Variants in CPQ observed in about 807,000 individuals in gnomAD.
CPQ encodes carboxypeptidase Q, also known as Ser-Met dipeptidase.
Under a neutral mutation model 45.7 loss-of-function variants are expected in CPQ, and 37 were observed. The ratio of observed to expected loss-of-function variants is 0.81; its 90% CI spans 0.62 to 1.07. The LOEUF (loss-of-function observed/expected upper bound fraction) is 1.07, where lower values mean the gene tolerates loss of function less well. Among genes scored for constraint, CPQ ranks in the 50% least tolerant of loss-of-function variants. CPQ has a pLI of 0.00. For synonymous variants in CPQ, 186 were observed against 205.8 expected, an observed-to-expected ratio of 0.90 and a Z score of 0.82; for missense variants, 537 against 572.9, an observed-to-expected ratio of 0.94 and a Z score of 0.64.
intron 5 of CPQ, 90 bp downstream of exon 5, chr8:96,966,136 A>G (rs917594248): frequency 2.3e-6 from 2 of 888,022 alleles, no homozygotes; most frequent in East Asian, 2.7e-5. Context: ...ATTAGTTACT[A>G]TGGTATGTTC....
intron 4 of CPQ, among the ~76,000 whole-genome samples, chr8:96,916,842 C>A (rs377530097): frequency 6.6e-6 from 1 of 151,896 alleles, no homozygotes. Flanking sequence ...ACCATGCTTC[C>A]GATTGAGATT....
At chr8:96,958,815 C>T (rs1207674428) in intron 4 of CPQ, among the ~76,000 whole-genome samples, 1 of 151,398 alleles carries the variant, frequency 6.6e-6, no homozygotes, top group African/African-American at 2.4e-5. Context: ...CAGCTCTTTT[C>T]AGGACCAGCT....
At chr8:96,738,852 GTCTA>G (rs1158008409) in intron 1 of CPQ, among the ~76,000 whole-genome samples, 1 of 151,940 alleles carries the variant, frequency 6.6e-6, no homozygotes, top group African/African-American at 2.4e-5. Flanking sequence ...TCTTAATCCA[GTCTA>G]TCATTGTTGG....
At chr8:96,786,870 A>G (rs922605423) in intron 2 of CPQ, among the ~76,000 whole-genome samples, 1 of 152,080 alleles carries the variant, frequency 6.6e-6, no homozygotes, top group African/African-American at 2.4e-5. Flanking sequence ...TAATCGGACT[A>G]TGAGATTTTT....
chr8:96,832,479 C>T (rs1811471928), intron 2 of CPQ, among the ~76,000 whole-genome samples: 1 of 152,132 alleles, frequency 6.6e-6, no homozygotes, highest in Non-Finnish European at 1.5e-5. Context: ...CTGGGTTAGT[C>T]CCTTGACACA....
At chr8:97,025,762 A>G (rs1694538168) in intron 5 of CPQ, among the ~76,000 whole-genome samples, 1 of 152,180 alleles carries the variant, frequency 6.6e-6, no homozygotes, top group Non-Finnish European at 1.5e-5. Flanking sequence ...GCTTTCCTGT[A>G]TATATTTAAG....
At chr8:96,678,039 T>C (rs988974295) in intron 1 of CPQ, among the ~76,000 whole-genome samples, 3 of 152,162 alleles carry the variant, frequency 2.0e-5, no homozygotes, top group Non-Finnish European at 2.9e-5. Flanking sequence ...ACATGCCTAT[T>C]TTTATACCCC....
chr8:96,867,182 A>G (rs1287593528), intron 3 of CPQ, among the ~76,000 whole-genome samples: 2 of 152,124 alleles, frequency 1.3e-5, no homozygotes, highest in African/African-American at 2.4e-5. Flanking sequence ...TAGCTCTTCT[A>G]TTTTCCCTAA....
chr8:96,906,875 T>A (rs982852492), intron 4 of CPQ, among the ~76,000 whole-genome samples: 1 of 152,146 alleles, frequency 6.6e-6, no homozygotes, highest in Non-Finnish European at 1.5e-5. Flanking sequence ...CTTGGAAAGA[T>A]TTCTAGAAAG....
intron 1 of CPQ, among the ~76,000 whole-genome samples, chr8:96,649,869 C>T (rs1815558794): frequency 6.6e-6 from 1 of 152,066 alleles, no homozygotes; most frequent in East Asian, 1.9e-4. Context: ...TATGTAAGTG[C>T]CAGTGAAGGA....
At position 96,860,471 on chromosome 8, in the gene CPQ, G is replaced by A. The variant is rs150233191; in HGVS notation, c.642-19327G>A. ...TTTGGATGGTTCACTCAGTGTATTTGAATACCTTTTCCAATTCTCTGAAGC... is the reference window on the plus strand; with the variant it reads ...TTTGGATGGTTCACTCAGTGTATTTAAATACCTTTTCCAATTCTCTGAAGC... On this transcript the variant is annotated intron_variant, in intron 3 of 7. Coordinates refer to ENST00000220763, the MANE Select transcript of CPQ (RefSeq NM_016134.4). Among the ~76,000 whole-genome samples the A allele has an allele frequency of 8.5e-5, 13 of 152,210 alleles. No individual in the cohort carries two copies. The East Asian group carries it at 2.5e-3, about 29-fold the overall frequency.
chr8:96,777,468 G>A (rs558684220), intron 1 of CPQ, among the ~76,000 whole-genome samples: 3 of 152,012 alleles, frequency 2.0e-5, no homozygotes, highest in Admixed American at 2.0e-4. Flanking sequence ...ACTACCCGCT[G>A]TCTCCTTAGC....
At chr8:97,015,094 ATGTAAATT>A (rs1276192043) in intron 5 of CPQ, among the ~76,000 whole-genome samples, 1 of 152,220 alleles carries the variant, frequency 6.6e-6, no homozygotes, top group African/African-American at 2.4e-5. Context: ...ATTTTGGTAA[ATGTAAATT>A]TGTAAAAGGA....
chr8:97,068,834 T>A (rs554431199), intron 7 of CPQ, among the ~76,000 whole-genome samples: 1 of 152,320 alleles, frequency 6.6e-6, no homozygotes, highest in East Asian at 1.9e-4. Flanking sequence ...AAGACTATAC[T>A]GCCCTTAGGG....
Position 96,687,439 on chromosome 8 carries a change from C to T in CPQ, c.-35+42037C>T, listed in dbSNP as rs192647305. 9.9e-4 allele frequency among the ~76,000 whole-genome samples: 151 copies of T among 152,196 alleles called. 2 individuals carry two copies. The highest frequency in any genetic ancestry group is 3.1e-3 in the African/African-American group (127 of 41,548). On this transcript the variant is annotated intron_variant, in intron 1 of 7. Transcript: ENST00000220763. Reference sequence around the variant, plus strand: ...TATTGACCAGGCTGGTCTCGAACTTCGCCTCATGATCTGCCTGCCTCGGCC... The same window carrying T: ...TATTGACCAGGCTGGTCTCGAACTTTGCCTCATGATCTGCCTGCCTCGGCC...
At chr8:96,895,466 C>T (rs2130892577) in intron 4 of CPQ, among the ~76,000 whole-genome samples, 1 of 152,152 alleles carries the variant, frequency 6.6e-6, no homozygotes, top group Middle Eastern at 3.4e-3. Flanking sequence ...AAATGGATAT[C>T]CTGCAATTTA....
At chr8:96,861,321 C>G (rs1811923377) in intron 3 of CPQ, among the ~76,000 whole-genome samples, 1 of 151,928 alleles carries the variant, frequency 6.6e-6, no homozygotes, top group South Asian at 2.1e-4. Context: ...ATGACTAAGA[C>G]AAAGCAGAAA....
In CPQ at chr8:96,967,933, A is replaced by T. The variant is rs548308956; in HGVS notation, c.961+1887A>T. Reference sequence around the variant, plus strand: ...CATAAAGTTGCTTTGAAAATTAAATAAGCAGAGTATACTTAGAACATGGGC... The same window carrying T: ...CATAAAGTTGCTTTGAAAATTAAATTAGCAGAGTATACTTAGAACATGGGC... On this transcript the variant is annotated intron_variant, in intron 5 of 7. Coordinates refer to ENST00000220763, the MANE Select transcript of CPQ (RefSeq NM_016134.4). 4.9e-3 allele frequency among the ~76,000 whole-genome samples: 754 copies of T among 152,324 alleles called. 5 individuals are homozygous for T. Among genetic ancestry groups the T allele is most frequent in the African/African-American group, 0.017 (725 of 41,566 alleles).
intron 1 of CPQ, among the ~76,000 whole-genome samples, chr8:96,651,843 C>A (rs1010725795): frequency 2.6e-5 from 4 of 151,730 alleles, no homozygotes; most frequent in African/African-American, 9.7e-5. Context: ...TGTAAATTGG[C>A]AAATTATGGT....
Sources: allele counts gnomAD v4.1 joint callset (sites outside exome capture counted in the v4.1 genomes callset), GRCh38; gene constraint gnomAD v4.1.1; transcripts MANE v1.5; gene names NCBI Gene and HGNC (gene_info 2026-07-23, HGNC 2026-07-21).